Variants in SYPL1 observed in about 807,000 individuals in gnomAD.
SYPL1 encodes synaptophysin like 1.
SYPL1 carries 6 observed loss-of-function variants against 23.7 expected under a neutral mutation model. The observed-to-expected ratio is 0.25, with a 90% confidence interval of 0.14 to 0.50. The LOEUF (loss-of-function observed/expected upper bound fraction) is 0.50, where lower values mean the gene tolerates loss of function less well. Ranked by LOEUF, SYPL1 falls within the 20% of genes least tolerant of loss-of-function variation. SYPL1 has a pLI of 0.98. For missense variants in SYPL1, 253 were observed against 288.9 expected, an observed-to-expected ratio of 0.88 and a Z score of 0.90; for synonymous variants, 102 against 104.5, an observed-to-expected ratio of 0.98 and a Z score of 0.15.
At chr7:106,099,362 G>A in intron 1 of SYPL1, 80 bp from the exon 2 acceptor site, 1 of 1,450,098 alleles carries the variant, frequency 6.9e-7, no homozygotes, top group Admixed American at 2.4e-5. Flanking sequence ...CACTAAAACT[G>A]TAAGCACACT....
At chr7:106,102,746 G>A (rs1209483602) in intron 1 of SYPL1, among the ~76,000 whole-genome samples, 1 of 152,182 alleles carries the variant, frequency 6.6e-6, no homozygotes, top group Non-Finnish European at 1.5e-5. Context: ...AAAGTCAACA[G>A]ACCTTTGTTT....
At chr7:106,099,333 C>T (rs776910705) in intron 1 of SYPL1, 51 bp from the exon 2 acceptor site, 10 of 1,570,592 alleles carry the variant, frequency 6.4e-6, no homozygotes, top group East Asian at 2.2e-5. Flanking sequence ...ATAAGCAATA[C>T]TACAACCAAA....
At chr7:106,112,441 C>T (rs1397919651), upstream of SYPL1, 1 of 1,446,288 alleles carries the variant, frequency 6.9e-7, no homozygotes, top group Non-Finnish European at 9.1e-7. Flanking sequence ...GAGGGGCGGG[C>T]CGGGGCGGAG....
intron 1 of SYPL1, among the ~76,000 whole-genome samples, chr7:106,103,159 C>T (rs980374097): frequency 1.3e-5 from 2 of 152,108 alleles, no homozygotes; most frequent in African/African-American, 4.8e-5. Context: ...GGAAAAGCAA[C>T]AGGGAAATGG....
chr7:106,099,693 C>T (rs1165988848), intron 1 of SYPL1, among the ~76,000 whole-genome samples: 1 of 152,052 alleles, frequency 6.6e-6, no homozygotes, highest in Non-Finnish European at 1.5e-5. Flanking sequence ...TGTGCCCAGC[C>T]CCCACTACCC....
chr7:106,092,060 A>G, intron 4 of SYPL1, 121 bp from the exon 5 acceptor site: 1 of 975,352 alleles, frequency 1.0e-6, no homozygotes, highest in Non-Finnish European at 1.5e-6. Context: ...CCATTATTTC[A>G]CTTAAAGTTT....
At chr7:106,112,468 T>G (rs1433467632), upstream of SYPL1, 1 of 1,503,318 alleles carries the variant, frequency 6.7e-7, no homozygotes. Flanking sequence ...AGGCTTCTCC[T>G]CAGGCCGCAC....
chr7:106,111,838 A>C, intron 1 of SYPL1: 1 of 180,792 alleles, frequency 5.5e-6, no homozygotes, highest in Non-Finnish European at 1.1e-5. Context: ...CAGTGGAGCC[A>C]AGGGGAAATT....
chr7:106,102,493 T>C (rs1171575901), intron 1 of SYPL1, among the ~76,000 whole-genome samples: 4 of 152,194 alleles, frequency 2.6e-5, no homozygotes, highest in Admixed American at 1.3e-4. Flanking sequence ...CAGGCAACTT[T>C]TATAAACTCA....
Position 106,112,299 on chromosome 7 carries a change from G to GGCGGGGCTGGCGC in SYPL1, c.-104_-92dup. ...AGCAGCCCGGTGGCGAGGAAGGGCA[G>GGCGGGGCTGGCGC]GCGGGGCTGGCGCGCTGGCCGGGCT... On this transcript the variant is annotated 5_prime_UTR_variant, in exon 1 of 5. Transcript: ENST00000455385. The GGCGGGGCTGGCGC allele has an allele frequency of 7.4e-7, 1 of 1,356,300 alleles. No homozygotes were observed. Among genetic ancestry groups the GGCGGGGCTGGCGC allele is most frequent in the Non-Finnish European group, 9.6e-7 (1 of 1,042,864 alleles). The allele number at this position is 1,356,300 out of a possible 1,614,324, so 84.0% of individuals were successfully genotyped here.
chr7:106,105,243 T>C (rs1259018796), intron 1 of SYPL1, among the ~76,000 whole-genome samples: 2 of 152,066 alleles, frequency 1.3e-5, no homozygotes, highest in East Asian at 3.8e-4. Context: ...CCTATGACCA[T>C]TTCAGTTTCC....
intron 3 of SYPL1, 124 bp from the exon 4 acceptor site, chr7:106,093,261 T>A: frequency 1.1e-6 from 1 of 898,602 alleles, no homozygotes; most frequent in Non-Finnish European, 1.6e-6. Context: ...CTTCATGATA[T>A]ACTTTATTAA....
rs548141430 is a variant in SYPL1, at chr7:106,100,148, A to G, written c.70-866T>C. 6.6e-6 allele frequency among the ~76,000 whole-genome samples: 1 copy of G among 152,322 alleles called. No individual in the cohort carries two copies. The highest frequency in any genetic ancestry group is 2.4e-5 in the African/African-American group (1 of 41,586). On this transcript the variant is annotated intron_variant, in intron 1 of 4. Transcript: ENST00000455385. This position sits in a 1 kb window ranked among gnomAD's most constrained non-coding sequence, Gnocchi z 5.1. ...AGCAGAGAAGAGACACTATTTCATG[A>G]GCCTGTTAAACCTCCCTTGTGGGTA...
In SYPL1 at chr7:106,092,987, C is replaced by T; in HGVS notation, c.553G>A (p.Gly185Ser). The T allele has an allele frequency of 3.7e-6, 6 of 1,609,746 alleles. No individual in the cohort carries two copies. The highest frequency in any genetic ancestry group is 5.1e-6 in the Non-Finnish European group (6 of 1,178,300). Residue 185 changes from glycine (G) to serine (S), a missense_variant, in exon 4 of 5, where the codon GGC becomes AGC. Transcript: ENST00000455385. ...AGGGATCCCATACTGGTCACAGAGC[C>T]AAAGTAACACAGTACTGCTTTCTTC... ...CKKKAVLCYF[G>S]SVTSMGSLNV...
At chr7:106,093,167 T>G (rs752287139) in intron 3 of SYPL1, 30 bp from the exon 4 acceptor site, 3 of 1,534,574 alleles carry the variant, frequency 2.0e-6, no homozygotes, top group South Asian at 1.3e-5. Context: ...GAGTTAATAA[T>G]GAACAGTTAA....
At chr7:106,101,004 AC>A (rs1840280197) in intron 1 of SYPL1, among the ~76,000 whole-genome samples, 1 of 152,056 alleles carries the variant, frequency 6.6e-6, no homozygotes, top group South Asian at 2.1e-4. Context: ...TTCCTTCAGG[AC>A]CTTTGCACTG....
Position 106,096,335 on chromosome 7 carries a change from A to T in SYPL1, c.402+1355T>A, listed in dbSNP as rs949067149. On this transcript the variant is annotated intron_variant, in intron 3 of 4. Coordinates refer to ENST00000455385, the MANE Select transcript of SYPL1 (RefSeq NM_182715.4). The surrounding 1 kb of genome is among the most constrained non-coding windows in gnomAD (Gnocchi z 4.4). ...TCCAGCAGCAAAATTAAAAATAAATATGTAAATAAAACTTGTAATGTTATT... is the reference window on the plus strand; with the variant it reads ...TCCAGCAGCAAAATTAAAAATAAATTTGTAAATAAAACTTGTAATGTTATT... 8.5e-5 allele frequency: 13 copies of T among 152,248 alleles called. No homozygotes were observed. Among genetic ancestry groups the T allele is most frequent in the Admixed American group, 6.5e-4 (10 of 15,290 alleles). 9.4% of individuals were successfully genotyped at this position (152,248 alleles called of 1,614,324 possible). A position where few individuals can be genotyped will look rare whatever the true frequency, so the allele number is the denominator to read the frequency against.
At position 106,097,658 on chromosome 7, in the gene SYPL1, T is replaced by A; in HGVS notation, c.402+32A>T. 2.0e-6 allele frequency: 3 copies of A among 1,535,094 alleles called. No homozygotes were observed. Among genetic ancestry groups the A allele is most frequent in the Non-Finnish European group, 2.7e-6 (3 of 1,130,366 alleles). On this transcript the variant is annotated intron_variant, in intron 3 of 4. Transcript: ENST00000455385. This position sits in a 1 kb window ranked among gnomAD's most constrained non-coding sequence, Gnocchi z 4.6. ...TCTATATTTAGCTTATACAAATTAT[T>A]TTTGTATTTAAAAAATAAAGTGATT...
At chr7:106,094,897 C>T (rs555455031) in intron 3 of SYPL1, among the ~76,000 whole-genome samples, 33 of 152,064 alleles carry the variant, frequency 2.2e-4, no homozygotes, top group African/African-American at 7.5e-4. Context: ...GTTGAAGGAA[C>T]GTGGGGGGAA....
Sources: gnomAD v4.1 joint callset for allele counts (sites outside exome capture counted in the v4.1 genomes callset) on GRCh38, gnomAD v4.1.1 for gene constraint, Gnocchi (gnomAD v3.1) non-coding constraint, MANE v1.5 for transcripts, NCBI Gene and HGNC (gene_info 2026-07-23, HGNC 2026-07-21) for gene names.